Variants in CDH23 observed in about 807,000 individuals in gnomAD.
CDH23 encodes the protein cadherin-23.
Under a neutral mutation model 317.1 loss-of-function variants are expected in CDH23, and 189 were observed. That is an observed-to-expected ratio of 0.60 (90% CI 0.53 to 0.67). The LOEUF (loss-of-function observed/expected upper bound fraction) is 0.67, where lower values mean the gene tolerates loss of function less well. Ranked by LOEUF, CDH23 falls within the 30% of genes least tolerant of loss-of-function variation. The probability of loss-of-function intolerance (pLI) is 0.00; values close to 1 mark genes in which losing one functional copy is unlikely to be tolerated. For synonymous variants in CDH23, 1,839 were observed against 1,876.8 expected, an observed-to-expected ratio of 0.98 and a Z score of 0.52; for missense variants, 4,401 against 4,592.4, an observed-to-expected ratio of 0.96 and a Z score of 1.20.
chr10:71,527,362 C>CAGGG (rs1342302474), intron 6 of CDH23, among the ~76,000 whole-genome samples: 3 of 152,246 alleles, frequency 2.0e-5, no homozygotes, highest in Non-Finnish European at 4.4e-5. Context: ...CAGCAGGACA[C>CAGGG]AGGGAGGGAA....
At chr10:71,550,838 G>A (rs781219927) in intron 6 of CDH23, among the ~76,000 whole-genome samples, 22 of 152,134 alleles carry the variant, frequency 1.4e-4, no homozygotes, top group Non-Finnish European at 2.9e-4. Context: ...GCTCTGGGAA[G>A]AGAAAGAGGA....
intron 14 of CDH23, among the ~76,000 whole-genome samples, chr10:71,648,594 G>A (rs1044193337): frequency 2.6e-5 from 4 of 152,206 alleles, no homozygotes; most frequent in African/African-American, 9.6e-5. Context: ...TGTGAAATAT[G>A]AGAAGGGGCA....
At position 71,570,883 on chromosome 10, in the gene CDH23, C is replaced by A. The variant is rs1384671324; in HGVS notation, c.718C>A (p.Pro240Thr). 2 of 1,613,896 alleles carry A rather than the reference C, an allele frequency of 1.2e-6. No homozygotes were observed. The highest frequency in any genetic ancestry group is 1.7e-6 in the Non-Finnish European group (2 of 1,179,884). ...QDMDPIFINL[P>T]YSTNIYEHSP... is the part of the protein sequence containing the mutation. ...CATGGACCCCATCTTCATCAACCTG[C>A]CTTACAGCACCAACATCTACGAGCA... is the stretch of plus-strand genomic sequence containing the variant. The change falls in exon 8 of 70, where the codon CCT becomes ACT. Residue 240 changes from proline (P) to threonine (T), a missense_variant. Physicochemically the swap from Pro to Thr is conservative, Grantham distance 38. This residue lies in a region of CDH23 where 3,068 missense variants were observed against 3,203.3 expected (regional missense o/e 0.96). Transcript: ENST00000224721.
At chr10:71,791,843 T>C (rs1212827412) in intron 47 of CDH23, among the ~76,000 whole-genome samples, 1 of 152,190 alleles carries the variant, frequency 6.6e-6, no homozygotes, top group African/African-American at 2.4e-5. Flanking sequence ...CCCAAAGTGC[T>C]GGGATTACAG....
In CDH23 at chr10:71,679,380, C is replaced by T. The variant is rs376279713; in HGVS notation, c.1753-7C>T. The T allele has an allele frequency of 1.7e-5, 27 of 1,605,944 alleles. No homozygotes were observed. The highest frequency in any genetic ancestry group is 2.3e-5 in the Non-Finnish European group (27 of 1,174,094). On this transcript the variant is annotated splice_polypyrimidine_tract_variant and splice_region_variant and intron_variant, in intron 16 of 69. Coordinates refer to ENST00000224721, the MANE Select transcript of CDH23 (RefSeq NM_022124.6). ...CTCACGGCCCTTGTCTGCCCTCTTC[C>T]TTTCAGGCAACAGATGAAGACTCCC...
At chr10:71,444,911 G>C (rs563149373) in intron 2 of CDH23, among the ~76,000 whole-genome samples, 2 of 152,312 alleles carry the variant, frequency 1.3e-5, no homozygotes, top group African/African-American at 4.8e-5. Flanking sequence ...AGCTAGACCA[G>C]CTGCCTCCTG....
chr10:71,812,626 C>A lies in CDH23; in HGVS notation c.9510+17C>A. 1 of 1,602,154 alleles carries A rather than the reference C, an allele frequency of 6.2e-7. No individual in the cohort carries two copies. The highest frequency in any genetic ancestry group is 1.1e-5 in the South Asian group (1 of 91,062). On this transcript the variant is annotated intron_variant, in intron 67 of 69. Coordinates refer to ENST00000224721, the MANE Select transcript of CDH23 (RefSeq NM_022124.6). ...CGCACCCATGTGAGCCAGAGGCGGT[C>A]AGGCATCACAAGGGGCAGGGGTGGA...
chr10:71,468,244 TG>T (rs1435808802), intron 3 of CDH23, among the ~76,000 whole-genome samples: 1 of 152,230 alleles, frequency 6.6e-6, no homozygotes, highest in African/African-American at 2.4e-5. Flanking sequence ...GGTCCCGCTG[TG>T]GGGCCCTTAA....
intron 45 of CDH23, among the ~76,000 whole-genome samples, chr10:71,789,391 G>T (rs1475847990): frequency 6.6e-6 from 1 of 152,174 alleles, no homozygotes; most frequent in African/African-American, 2.4e-5. Flanking sequence ...AGGAGTGCAG[G>T]GCATCCCAGG....
chr10:71,651,602 C>CGTG (rs538158393), intron 14 of CDH23, among the ~76,000 whole-genome samples: 318 of 151,942 alleles, frequency 2.1e-3, no homozygotes, highest in African/African-American at 7.1e-3. Context: ...GCAAAGGCCC[C>CGTG]GTGGCTGGAG....
At chr10:71,447,633 G>T (rs1046327134) in intron 3 of CDH23, among the ~76,000 whole-genome samples, 12 of 152,150 alleles carry the variant, frequency 7.9e-5, no homozygotes, top group African/African-American at 2.9e-4. Context: ...TGGGGGTAGG[G>T]TTTGGGGATC....
Position 71,810,480 on chromosome 10 carries a change from G to A in CDH23, c.8988G>A (p.Val2996=). ...TACCCCTTCTCATCTAGTTCCATGT[G>A]GACAAGAAGGGCCGGGTGAACTTTG... ...IVNTDNVQFH[V]DKKGRVNFAQ... is the part of the protein sequence containing the mutation. Residue 2996 remains valine (V), a synonymous_variant, in exon 62 of 70, where the codon GTG becomes GTA. Coordinates refer to ENST00000224721, the MANE Select transcript of CDH23 (RefSeq NM_022124.6). The A allele has an allele frequency of 6.2e-7, 1 of 1,613,922 alleles. No homozygotes were observed. The highest frequency in any genetic ancestry group is 1.1e-5 in the South Asian group (1 of 91,070).
chr10:71,444,628 G>T (rs1850069354), intron 2 of CDH23, among the ~76,000 whole-genome samples: 1 of 152,228 alleles, frequency 6.6e-6, no homozygotes, highest in Admixed American at 6.5e-5. Context: ...CAGCTTGGCT[G>T]CCTGAGCACA....
chr10:71,691,697 C>G (rs758982966), intron 20 of CDH23, among the ~76,000 whole-genome samples: 1 of 152,190 alleles, frequency 6.6e-6, no homozygotes, highest in Non-Finnish European at 1.5e-5. Flanking sequence ...ATGGGCCAGG[C>G]CCTGCCTGGC....
At chr10:71,485,072 G>A (rs1472065463) in intron 3 of CDH23, among the ~76,000 whole-genome samples, 1 of 145,968 alleles carries the variant, frequency 6.9e-6, no homozygotes, top group Non-Finnish European at 1.5e-5. Context: ...TGTCACCCAG[G>A]CTGGAGGGCA....
At chr10:71,773,298 C>A in intron 38 of CDH23, 1 of 1,534,772 alleles carries the variant, frequency 6.5e-7, no homozygotes, top group East Asian at 2.4e-5. Context: ...CCACAGTTCC[C>A]ACTCCAGTCT....
intron 1 of CDH23, among the ~76,000 whole-genome samples, chr10:71,437,100 A>T (rs755109141): frequency 6.6e-6 from 1 of 152,240 alleles, no homozygotes; most frequent in Non-Finnish European, 1.5e-5. Context: ...CATGTGTTCG[A>T]TTGGCAGCCA....
chr10:71,647,052 C>T lies in CDH23; in HGVS notation c.1449+435C>T, dbSNP rs61852010. On this transcript the variant is annotated intron_variant, in intron 14 of 69. Transcript: ENST00000224721. Reference sequence around the variant, plus strand: ...CCCAGCTGCCCATGGCTGGACTTGCCCTTTGACAAGGGGCCCTCCCAGTGT... The same window carrying T: ...CCCAGCTGCCCATGGCTGGACTTGCTCTTTGACAAGGGGCCCTCCCAGTGT... 0.12 allele frequency: 120,176 copies of T among 985,370 alleles called. 7,841 individuals are homozygous for T. The highest frequency in any genetic ancestry group is 0.13 in the Non-Finnish European group (109,020 of 829,908). The allele number at this position is 985,370 out of a possible 1,614,324, so 61.0% of individuals were successfully genotyped here. A position where few individuals can be genotyped will look rare whatever the true frequency, so the allele number is the denominator to read the frequency against.
At chr10:71,586,730 A>G (rs1210918979) in intron 9 of CDH23, among the ~76,000 whole-genome samples, 2 of 152,196 alleles carry the variant, frequency 1.3e-5, no homozygotes, top group Admixed American at 1.3e-4. Context: ...TCCTTTTGGC[A>G]AATATCTTAT....
Sources: allele counts gnomAD v4.1 joint callset (sites outside exome capture counted in the v4.1 genomes callset), GRCh38; gene constraint gnomAD v4.1.1; regional missense constraint gnomAD v4.1.1; transcripts MANE v1.5; gene names NCBI Gene and HGNC (gene_info 2026-07-23, HGNC 2026-07-21).